NAV2: variants seen among roughly 807,000 people sequenced by gnomAD.
NAV2 encodes the protein neuron navigator 2.
In NAV2, 54 loss-of-function variants were observed where a neutral mutation model predicts 223.2. The ratio of observed to expected loss-of-function variants is 0.24; its 90% confidence interval spans 0.19 to 0.30. The LOEUF (loss-of-function observed/expected upper bound fraction) is 0.30, where lower values mean the gene tolerates loss of function less well. Ranked by LOEUF, NAV2 falls within the 10% of genes least tolerant of loss-of-function variation. The probability of loss-of-function intolerance (pLI) is 1.00; values close to 1 mark genes in which losing one functional copy is unlikely to be tolerated. For synonymous variants in NAV2, 1,279 were observed against 1,239.3 expected, an observed-to-expected ratio of 1.03 and a Z score of -0.67; for missense variants, 2,806 against 3,147.5, an observed-to-expected ratio of 0.89 and a Z score of 2.60.
At chr11:19,390,563 A>T (rs981700669) in intron 1 of NAV2, among the ~76,000 whole-genome samples, 1 of 152,184 alleles carries the variant, frequency 6.6e-6, no homozygotes, top group Non-Finnish European at 1.5e-5. Context: ...ATAAATCATA[A>T]AGTTTCAGTT....
At chr11:19,623,621 C>G (rs1201895936) in intron 1 of NAV2, among the ~76,000 whole-genome samples, 1 of 152,192 alleles carries the variant, frequency 6.6e-6, no homozygotes, top group African/African-American at 2.4e-5. Context: ...TCCATCAGGT[C>G]ATTTGAGGTC....
At chr11:20,032,467 T>C (rs61877359) in intron 11 of NAV2, among the ~76,000 whole-genome samples, 681 of 152,358 alleles carry the variant, frequency 4.5e-3, no homozygotes, top group South Asian at 0.011. Context: ...AATCTGGGAC[T>C]TGGATTCATG....
intron 1 of NAV2, among the ~76,000 whole-genome samples, chr11:19,685,538 C>A (rs1369056343): frequency 6.6e-6 from 1 of 152,144 alleles, no homozygotes; most frequent in Non-Finnish European, 1.5e-5. Flanking sequence ...CCAGGGTTCC[C>A]ATGCACTTAA....
rs766282880 is a variant in NAV2 at position 20,101,015 on chromosome 11, T to G, written c.6260T>G (p.Leu2087Arg). 1 of 1,613,968 alleles carries G rather than the reference T, an allele frequency of 6.2e-7. No homozygotes were observed. The highest frequency in any genetic ancestry group is 1.3e-5 in the African/African-American group (1 of 74,866). ...PKPILQRYVS[L>R]LIEHRRIILS... ...CCCATCCTGCAGCGCTACGTCTCCC[T>G]CCTGATAGAGCACCGTCGGATCATT... Residue 2087 changes from leucine to arginine, a missense_variant, in exon 32 of 38, where the codon CTC becomes CGC. Transcript: ENST00000349880.
At chr11:19,780,751 G>A (rs2056666280) in intron 1 of NAV2, among the ~76,000 whole-genome samples, 1 of 152,224 alleles carries the variant, frequency 6.6e-6, no homozygotes, top group South Asian at 2.1e-4. Flanking sequence ...GTGAATGGTT[G>A]CTCATATGAT....
At chr11:19,813,486 G>A (rs1270879595) in intron 1 of NAV2, among the ~76,000 whole-genome samples, 6 of 152,202 alleles carry the variant, frequency 3.9e-5, no homozygotes, top group Non-Finnish European at 7.3e-5. Flanking sequence ...TGTAAGCACC[G>A]AGAGTTGGAT....
rs1040240106 is a variant in NAV2, at chr11:19,998,659, C to A, written c.2768+14412C>A. Among the ~76,000 whole-genome samples the A allele has an allele frequency of 6.6e-6, 1 of 152,056 alleles. No homozygotes were observed. The highest frequency in any genetic ancestry group is 2.4e-5 in the African/African-American group (1 of 41,402). The stretch of plus-strand genomic sequence containing the variant: ...CCTGGACGTGCCGGATCTTCTCTTT[C>A]GTCAGAAGCTTTGCACATACTGTCC... On this transcript the variant is annotated intron_variant, in intron 11 of 37. Transcript: ENST00000349880. This position sits in a 1 kb window ranked among gnomAD's most constrained non-coding sequence, Gnocchi z 5.0.
chr11:19,442,928 TGTG>T (rs1276414469), intron 1 of NAV2, among the ~76,000 whole-genome samples: 1 of 152,168 alleles, frequency 6.6e-6, no homozygotes, highest in African/African-American at 2.4e-5. Context: ...TCGGGAGAAA[TGTG>T]GTCCCTTTTA....
At chr11:19,353,825 C>G (rs916623260) in intron 1 of NAV2, among the ~76,000 whole-genome samples, 2 of 152,194 alleles carry the variant, frequency 1.3e-5, no homozygotes, top group African/African-American at 4.8e-5. Flanking sequence ...TTCTCTAATT[C>G]TATCCAGCAG....
chr11:19,538,350 T>C (rs1278439313), intron 1 of NAV2, among the ~76,000 whole-genome samples: 1 of 152,124 alleles, frequency 6.6e-6, no homozygotes, highest in Non-Finnish European at 1.5e-5. Flanking sequence ...CTTTTTCTTT[T>C]CTTTTTTTGA....
intron 11 of NAV2, among the ~76,000 whole-genome samples, chr11:20,024,875 A>G (rs1030166004): frequency 6.6e-6 from 1 of 152,212 alleles, no homozygotes; most frequent in African/African-American, 2.4e-5. Flanking sequence ...CAGCTGGCCA[A>G]TGCCCTGTCT....
intron 1 of NAV2, among the ~76,000 whole-genome samples, chr11:19,512,809 A>G (rs1316685980): frequency 6.6e-6 from 1 of 152,188 alleles, no homozygotes; most frequent in Non-Finnish European, 1.5e-5. Flanking sequence ...GCATGCCACC[A>G]GACTATGCAG....
chr11:19,830,873 A>T (rs2059890462), intron 1 of NAV2, among the ~76,000 whole-genome samples: 1 of 152,170 alleles, frequency 6.6e-6, no homozygotes, highest in Non-Finnish European at 1.5e-5. Flanking sequence ...TGTGCTTATA[A>T]AATTGAAAAT....
chr11:19,362,688 C>T (rs1169263655), intron 1 of NAV2, among the ~76,000 whole-genome samples: 2 of 152,154 alleles, frequency 1.3e-5, no homozygotes, highest in Non-Finnish European at 2.9e-5. Flanking sequence ...TTCAAATCTA[C>T]CATTTCTTGG....
intron 1 of NAV2, among the ~76,000 whole-genome samples, chr11:19,748,318 T>C (rs1465777811): frequency 6.6e-6 from 1 of 152,198 alleles, no homozygotes; most frequent in African/African-American, 2.4e-5. Flanking sequence ...GCCACTCTTA[T>C]TTATCAAGCA....
chr11:20,070,181 C>T (rs990052939), intron 22 of NAV2, among the ~76,000 whole-genome samples: 29 of 152,112 alleles, frequency 1.9e-4, no homozygotes, highest in Admixed American at 2.0e-4. Context: ...GGTTCTATCC[C>T]GTGGGCAGAT....
intron 29 of NAV2, 131 bp downstream of exon 29, chr11:20,093,330 T>C: frequency 3.1e-6 from 2 of 654,992 alleles, no homozygotes; most frequent in Non-Finnish European, 5.6e-6. Flanking sequence ...AACCCTTCTC[T>C]TAACTAACCA....
intron 1 of NAV2, among the ~76,000 whole-genome samples, chr11:19,427,929 T>G (rs1850896635): frequency 6.6e-6 from 1 of 152,146 alleles, no homozygotes; most frequent in Non-Finnish European, 1.5e-5. Context: ...GATATGAGTT[T>G]GAATCTGCAT....
At chr11:19,708,595 G>A (rs1021140246), upstream of NAV2, among the ~76,000 whole-genome samples, 7 of 152,108 alleles carry the variant, frequency 4.6e-5, no homozygotes, top group Non-Finnish European at 1.0e-4. Flanking sequence ...GTCACTCACA[G>A]GTCAGGTCTG....
Sources: allele counts gnomAD v4.1 joint callset (sites outside exome capture counted in the v4.1 genomes callset), GRCh38; gene constraint gnomAD v4.1.1; non-coding constraint Gnocchi (gnomAD v3.1); transcripts MANE v1.5; gene names NCBI Gene and HGNC (gene_info 2026-07-23, HGNC 2026-07-21).